Variants in B3GALT1 observed in about 807,000 individuals in gnomAD.
The protein encoded by B3GALT1 is UDP-Gal:betaGlcNAc beta 1,3-galactosyltransferase, polypeptide 1.
B3GALT1 carries 10 observed loss-of-function variants against 23.2 expected under a neutral mutation model. The observed-to-expected ratio is 0.43, with a 90% CI of 0.27 to 0.73. The LOEUF is 0.73. Among genes scored for constraint, B3GALT1 ranks in the 30% least tolerant of loss-of-function variants. The pLI is 0.21. For synonymous variants in B3GALT1, 156 were observed against 141.5 expected, an observed-to-expected ratio of 1.10 and a Z score of -0.73; for missense variants, 299 against 405.4, an observed-to-expected ratio of 0.74 and a Z score of 2.25.
intron 2 of B3GALT1, among the ~76,000 whole-genome samples, chr2:167,543,082 G>GA (rs1683560837): frequency 6.6e-6 from 1 of 151,990 alleles, no homozygotes; most frequent in African/African-American, 2.4e-5. Flanking sequence ...TTTTGGAAGG[G>GA]AAATATATAC....
rs945962282 is a variant in B3GALT1, at chr2:167,655,331, C to T, written c.-352+8365C>T. Among the ~76,000 whole-genome samples the T allele has an allele frequency of 2.4e-4, 36 of 152,108 alleles. 1 individual carries two copies. The highest frequency in any genetic ancestry group is 5.9e-5 in the Non-Finnish European group (4 of 68,022). ...TAGCTCATCAGAGCAGAAATTAACT[C>T]AGTGAAGGAGGTGAGAATTCAAGAG... is the stretch of plus-strand genomic sequence containing the variant. On this transcript the variant is annotated intron_variant, in intron 3 of 4. Transcript: ENST00000392690.
intron 2 of B3GALT1, among the ~76,000 whole-genome samples, chr2:167,515,804 C>G (rs554562416): frequency 1.3e-5 from 2 of 152,156 alleles, no homozygotes; most frequent in East Asian, 1.9e-4. Context: ...AGTGAATCTT[C>G]TCACTTTACT....
chr2:167,508,954 A>G (rs533068005), intron 2 of B3GALT1, among the ~76,000 whole-genome samples: 99 of 152,296 alleles, frequency 6.5e-4, no homozygotes, highest in Middle Eastern at 3.4e-3. Context: ...TCCTTTTCCA[A>G]TGGGTTAAGG....
At chr2:167,834,284 GCT>G (rs1466898720) in intron 4 of B3GALT1, among the ~76,000 whole-genome samples, 1 of 152,114 alleles carries the variant, frequency 6.6e-6, no homozygotes, top group African/African-American at 2.4e-5. Context: ...GAAAATTTAA[GCT>G]TGAAGTTAAT....
chr2:167,722,559 C>T (rs1558959667), intron 3 of B3GALT1, among the ~76,000 whole-genome samples: 1 of 152,256 alleles, frequency 6.6e-6, no homozygotes, highest in East Asian at 1.9e-4. Context: ...TATAATCATA[C>T]AGAGTTCATG....
At chr2:167,293,803 G>A (rs1038072601) in intron 1 of B3GALT1, among the ~76,000 whole-genome samples, 2 of 152,112 alleles carry the variant, frequency 1.3e-5, no homozygotes, top group African/African-American at 4.8e-5. Flanking sequence ...GACCTGGCGC[G>A]CCAGGGGAGA....
chr2:167,567,059 T>C, intron 2 of B3GALT1, among the ~76,000 whole-genome samples: 1 of 152,256 alleles, frequency 6.6e-6, no homozygotes, highest in African/African-American at 2.4e-5. Context: ...TAGACTTAGG[T>C]TTGAGAAAGC....
chr2:167,847,285 A>G (rs1559001370), intron 4 of B3GALT1, among the ~76,000 whole-genome samples: 1 of 152,216 alleles, frequency 6.6e-6, no homozygotes, highest in Non-Finnish European at 1.5e-5. Context: ...CAGAATACAC[A>G]TTCTATTCAA....
At chr2:167,550,139 A>G (rs1683720504) in intron 2 of B3GALT1, among the ~76,000 whole-genome samples, 1 of 152,172 alleles carries the variant, frequency 6.6e-6, no homozygotes, top group South Asian at 2.1e-4. Flanking sequence ...CATCCTTCTC[A>G]TCTCTTTGCA....
intron 4 of B3GALT1, among the ~76,000 whole-genome samples, chr2:167,827,860 G>A (rs1689260722): frequency 6.6e-6 from 1 of 152,120 alleles, no homozygotes; most frequent in Non-Finnish European, 1.5e-5. Context: ...ATTTCTGAGA[G>A]GGTTTCACTG....
At chr2:167,415,388 T>A (rs1698453184) in intron 1 of B3GALT1, among the ~76,000 whole-genome samples, 1 of 152,226 alleles carries the variant, frequency 6.6e-6, no homozygotes, top group South Asian at 2.1e-4. Context: ...ACCTTGTACT[T>A]CTTAGCTTCT....
intron 3 of B3GALT1, among the ~76,000 whole-genome samples, chr2:167,774,497 G>GTTTTTTTTTT (rs397986581): frequency 1.2e-5 from 1 of 83,008 alleles, no homozygotes. Context: ...TTTTTTTTTT[G>GTTTTTTTTTT]TTTTTTTTTT....
intron 2 of B3GALT1, among the ~76,000 whole-genome samples, chr2:167,623,310 C>T (rs752672999): frequency 1.3e-5 from 2 of 152,120 alleles, no homozygotes; most frequent in Non-Finnish European, 2.9e-5. Flanking sequence ...TATAAAGACA[C>T]ATGCACACAT....
chr2:167,444,025 AT>A (rs200870750), intron 1 of B3GALT1, among the ~76,000 whole-genome samples: 2,028 of 152,222 alleles, frequency 0.013, 43 homozygotes, highest in African/African-American at 0.046. Context: ...AGCTCTTATT[AT>A]TTTGAGATAC....
intron 2 of B3GALT1, among the ~76,000 whole-genome samples, chr2:167,572,516 A>C (rs1684312363): frequency 6.6e-6 from 1 of 151,854 alleles, no homozygotes; most frequent in South Asian, 2.1e-4. Flanking sequence ...AACTGTAAGC[A>C]TAGAAAATGA....
At chr2:167,299,842 C>A (rs978920679) in intron 1 of B3GALT1, among the ~76,000 whole-genome samples, 3 of 150,956 alleles carry the variant, frequency 2.0e-5, no homozygotes, top group Non-Finnish European at 3.0e-5. Context: ...TATTTATAAA[C>A]ATATATATAT....
chr2:167,330,713 T>C (rs1261387436), intron 1 of B3GALT1, among the ~76,000 whole-genome samples: 1 of 152,248 alleles, frequency 6.6e-6, no homozygotes, highest in East Asian at 1.9e-4. Flanking sequence ...ATCTCTTTGG[T>C]AAATTTCTCA....
intron 3 of B3GALT1, among the ~76,000 whole-genome samples, chr2:167,693,404 T>C (rs558786656): frequency 4.4e-4 from 67 of 152,116 alleles, no homozygotes; most frequent in African/African-American, 1.5e-3. Context: ...TAAAGCCCCG[T>C]AGGAAAAGAT....
intron 1 of B3GALT1, among the ~76,000 whole-genome samples, chr2:167,454,957 C>T (rs1450696995): frequency 6.6e-6 from 1 of 152,194 alleles, no homozygotes; most frequent in Non-Finnish European, 1.5e-5. Context: ...ATTTCTGTGC[C>T]TGGGATCCAT....
Sources: allele counts gnomAD v4.1 joint callset (sites outside exome capture counted in the v4.1 genomes callset), GRCh38; gene constraint gnomAD v4.1.1; transcripts MANE v1.5; gene names NCBI Gene and HGNC (gene_info 2026-07-23, HGNC 2026-07-21).